ZNF613: variants seen among roughly 807,000 people sequenced by gnomAD.
ZNF613 encodes zinc finger protein 613.
In ZNF613, 8 loss-of-function variants were observed where a neutral mutation model predicts 14.3. The ratio of observed to expected loss-of-function variants is 0.56; its 90% CI spans 0.33 to 1.01. The LOEUF (loss-of-function observed/expected upper bound fraction) is 1.01. ZNF613 is among the 50% of genes least tolerant of loss of function. The pLI, the probability that ZNF613 is intolerant of heterozygous loss-of-function variation, is 0.03. For synonymous variants in ZNF613, 228 were observed against 254.5 expected (o/e 0.90, Z 0.99); for missense variants, 656 against 741.9 (o/e 0.88, Z 1.35).
intron 5 of ZNF613, among the ~76,000 whole-genome samples, chr19:51,943,353 C>A (rs1242367954): frequency 2.6e-5 from 4 of 152,192 alleles, no homozygotes; most frequent in Admixed American, 6.5e-5. Context: ...TTACATTGCT[C>A]ACCATTCCAA....
At chr19:51,938,532 T>A (rs2085321940) in intron 3 of ZNF613, among the ~76,000 whole-genome samples, 1 of 152,020 alleles carries the variant, frequency 6.6e-6, no homozygotes. Context: ...GACTTACTGT[T>A]TGAGACAGGA....
At chr19:51,939,629 CTATT>C (rs929797530) in intron 3 of ZNF613, among the ~76,000 whole-genome samples, 14 of 152,134 alleles carry the variant, frequency 9.2e-5, no homozygotes, top group Admixed American at 1.3e-4. Context: ...CATGCCTGGC[CTATT>C]TATTTATTTT....
chr19:51,939,434 T>C (rs148579302), intron 3 of ZNF613, among the ~76,000 whole-genome samples: 2,035 of 152,256 alleles, frequency 0.013, 44 homozygotes, highest in African/African-American at 0.046. Flanking sequence ...GTTCAAGTGA[T>C]TCTCCTGCCT....
rs753245354 is a variant in ZNF613, at chr19:51,940,655, G to A, written c.181G>A (p.Glu61Lys). 1.9e-6 allele frequency: 3 copies of A among 1,613,570 alleles called. No individual in the cohort carries two copies. The highest frequency in any genetic ancestry group is 2.5e-6 in the Non-Finnish European group (3 of 1,179,752). ...CAAACCAGATGCACTCTTCAAGTTG[G>A]AACAAGGAGAGCCATGGACAGTAGA... ...ASKPDALFKL[E>K]QGEPWTVENE... The change falls in exon 5 of 6, where the codon GAA (glutamate) becomes AAA (lysine). Residue 61 changes from glutamate (E) to lysine (K), a missense_variant. Coordinates refer to ENST00000293471, the MANE Select transcript of ZNF613 (RefSeq NM_001031721.4).
chr19:51,940,116 T>C (rs2085335280), intron 3 of ZNF613, 93 bp from the exon 4 acceptor site: 1 of 1,515,060 alleles, frequency 6.6e-7, no homozygotes, highest in Non-Finnish European at 9.1e-7. Flanking sequence ...AGATGCAGAC[T>C]ATTTGGTAAA....
chr19:51,940,712 G>C lies in ZNF613; in HGVS notation c.235+3G>C. 1.2e-6 allele frequency: 2 copies of C among 1,610,646 alleles called. No individual in the cohort carries two copies. The highest frequency in any genetic ancestry group is 1.7e-6 in the Non-Finnish European group (2 of 1,178,230). ...AATCCACAGCCAAATCTGTCCAGGT[G>C]AGTTCAGGGTGAGAGCCAGCAAGGA... is the stretch of plus-strand genomic sequence containing the variant. On this transcript the variant is annotated splice_donor_region_variant and intron_variant, in intron 5 of 5. Transcript: ENST00000293471.
At chr19:51,928,183 C>A (rs578003550) in intron 1 of ZNF613, among the ~76,000 whole-genome samples, 1 of 152,328 alleles carries the variant, frequency 6.6e-6, no homozygotes, top group African/African-American at 2.4e-5. Flanking sequence ...TCACCTTGGC[C>A]TCCCAAAGTG....
At position 51,945,858 on chromosome 19, in the gene ZNF613, A is replaced by G. The variant is rs182723277; in HGVS notation, c.*121A>G. On this transcript the variant is annotated 3_prime_UTR_variant, in exon 6 of 6. Transcript: ENST00000293471. Reference sequence around the variant, plus strand: ...GTGGAAAGCCCTTGAATAAAACCTTATGGCTAATAAGCATATACTCAGAGA... The same window carrying G: ...GTGGAAAGCCCTTGAATAAAACCTTGTGGCTAATAAGCATATACTCAGAGA... 1 of 1,081,810 alleles carries G rather than the reference A, an allele frequency of 9.2e-7. No individual in the cohort carries two copies. The highest frequency in any genetic ancestry group is 2.5e-5 in the East Asian group (1 of 40,090). 67.0% of individuals were successfully genotyped at this position (1,081,810 alleles called of 1,614,324 possible).
At position 51,945,625 on chromosome 19, in the gene ZNF613, C is replaced by T; in HGVS notation, c.1742C>T (p.Ala581Val). 6.2e-7 allele frequency: 1 copy of T among 1,614,128 alleles called. No homozygotes were observed. The highest frequency in any genetic ancestry group is 8.5e-7 in the Non-Finnish European group (1 of 1,180,016). Reference sequence around the variant, plus strand: ...ACTCTGCAGATGCCTTCTGTGGCAGCTCAGACCTCATTAACTAACAGTGCG... The same window carrying T: ...ACTCTGCAGATGCCTTCTGTGGCAGTTCAGACCTCATTAACTAACAGTGCG... ...MVTLQMPSVA[A>V]QTSLTNSAFQ... Residue 581 changes from alanine (A) to valine (V), a missense_variant, in exon 6 of 6, where the codon GCT becomes GTT. Physicochemically the swap from Ala to Val is moderately conservative, Grantham distance 64. Transcript: ENST00000293471.
intron 5 of ZNF613, 103 bp downstream of exon 5, chr19:51,940,812 G>C: frequency 2.6e-6 from 2 of 759,776 alleles, no homozygotes; most frequent in Non-Finnish European, 4.0e-6. Context: ...TGTGTGGACA[G>C]AGCCTCCATG....
intron 3 of ZNF613, 26 bp from the exon 4 acceptor site, chr19:51,940,183 T>A (rs1219913110): frequency 1.2e-6 from 2 of 1,611,268 alleles, no homozygotes; most frequent in South Asian, 2.2e-5. Context: ...AAATACTTCA[T>A]ATTAAGCAGG....
Position 51,945,726 on chromosome 19 carries a change from T to G in ZNF613, c.1843T>G (p.Cys615Gly). ...TTCAGTCTCAGCAGATAGTAGAATT[T>G]GCACAGAATAAAAACCATATGAATG... ...RSSVSADSRICTE is the reference protein window; with the variant it reads ...RSSVSADSRIGTE Residue 615 changes from cysteine to glycine, a missense_variant, in exon 6 of 6, where the codon TGC becomes GGC. Physicochemically the swap from Cys to Gly is radical, Grantham distance 159 (BLOSUM62 -3). Transcript: ENST00000293471. The G allele has an allele frequency of 6.2e-7, 1 of 1,614,078 alleles. No individual in the cohort carries two copies. The highest frequency in any genetic ancestry group is 8.5e-7 in the Non-Finnish European group (1 of 1,179,986).
At position 51,945,664 on chromosome 19, in the gene ZNF613, G is replaced by T; in HGVS notation, c.1781G>T (p.Ser594Ile). The part of the protein sequence containing the change: ...SLTNSAFQAE[S>I]KVAIVSQPVA... Reference sequence around the variant, plus strand: ...ACTAACAGTGCGTTCCAAGCAGAGAGCAAAGTAGCCATTGTGAGCCAGCCT... The same window carrying T: ...ACTAACAGTGCGTTCCAAGCAGAGATCAAAGTAGCCATTGTGAGCCAGCCT... Residue 594 changes from serine (S) to isoleucine (I), a missense_variant, in exon 6 of 6, where the codon AGC (serine) becomes ATC (isoleucine). By Grantham distance (142) the Ser-to-Ile change is moderately radical. Coordinates refer to ENST00000293471, the MANE Select transcript of ZNF613 (RefSeq NM_001031721.4). 6.2e-7 allele frequency: 1 copy of T among 1,614,162 alleles called. No individual in the cohort carries two copies. The highest frequency in any genetic ancestry group is 2.2e-5 in the East Asian group (1 of 44,882).
intron 2 of ZNF613, among the ~76,000 whole-genome samples, chr19:51,934,686 A>C (rs1008823938): frequency 6.6e-6 from 1 of 152,168 alleles, no homozygotes; most frequent in Admixed American, 6.5e-5. Context: ...GGACTTAGCC[A>C]CTGGAGCAAA....
chr19:51,945,382 A>G lies in ZNF613; in HGVS notation c.1499A>G (p.Asn500Ser), dbSNP rs764537934. ...GCTTTCAGAGATAAATCATGTCTCA[A>G]CAGACATCGGAGAACTCATACAGGG... ...GKAFRDKSCL[N>S]RHRRTHTGER... Residue 500 changes from asparagine to serine, a missense_variant, in exon 6 of 6, where the codon AAC (asparagine) becomes AGC (serine). By Grantham distance (46) the Asn-to-Ser change is conservative. Transcript: ENST00000293471. The G allele has an allele frequency of 6.2e-6, 10 of 1,613,672 alleles. No homozygotes were observed. In the South Asian group the frequency reaches 7.7e-5, roughly 12 times the overall value.
At position 51,945,490 on chromosome 19, in the gene ZNF613, C is replaced by G. The variant is rs762262189; in HGVS notation, c.1607C>G (p.Ala536Gly). The change falls in exon 6 of 6, where the codon GCA (alanine) becomes GGA (glycine). Residue 536 changes from alanine to glycine, a missense_variant. Physicochemically the swap from Ala to Gly is moderately conservative, Grantham distance 60 (BLOSUM62 0). Transcript: ENST00000293471. Reference sequence around the variant, plus strand: ...GTTTATCATAAGGGAATGCTGCATGCAAGAGAGAAATGTGTAGGTTCAGTC... The same window carrying G: ...GTTTATCATAAGGGAATGCTGCATGGAAGAGAGAAATGTGTAGGTTCAGTC... ...CLVYHKGMLH[A>G]REKCVGSVKL... 6.8e-6 allele frequency: 11 copies of G among 1,614,034 alleles called. No individual in the cohort carries two copies. Among genetic ancestry groups the G allele is most frequent in the Non-Finnish European group, 9.3e-6 (11 of 1,180,034 alleles).
intron 1 of ZNF613, chr19:51,928,016 A>G (rs1472370185): frequency 9.5e-6 from 1 of 105,182 alleles, no homozygotes; most frequent in Non-Finnish European, 2.1e-5. Flanking sequence ...CACGCTATCT[A>G]TCTATCTATC....
chr19:51,944,339 G>T lies in ZNF613; in HGVS notation c.456G>T (p.Lys152Asn). 1 of 1,593,550 alleles carries T rather than the reference G, an allele frequency of 6.3e-7. No individual in the cohort carries two copies. The highest frequency in any genetic ancestry group is 1.1e-5 in the South Asian group (1 of 89,232). Residue 152 changes from lysine to asparagine, a missense_variant, in exon 6 of 6, where the codon AAG becomes AAT. By Grantham distance (94) the Lys-to-Asn change is moderately conservative. Coordinates refer to ENST00000293471, the MANE Select transcript of ZNF613 (RefSeq NM_001031721.4). ...LVNQNKRYEI[K>N]NSVGVNGDGK... ...ACCAGAACAAAAGGTATGAAATCAA[G>T]AATTCTGTGGGGGTTAATGGAGATG...
At position 51,944,566 on chromosome 19, in the gene ZNF613, G is replaced by T; in HGVS notation, c.683G>T (p.Gly228Val). The T allele has an allele frequency of 6.2e-7, 1 of 1,614,144 alleles. No individual in the cohort carries two copies. The highest frequency in any genetic ancestry group is 1.1e-5 in the South Asian group (1 of 91,080). ...RLIYHQRVHT[G>V]EKPHGCSICG... ...ATCTATCATCAGAGAGTTCACACTG[G>T]GGAGAAACCTCATGGATGCAGTATA... is the stretch of plus-strand genomic sequence containing the variant. The change falls in exon 6 of 6, where the codon GGG becomes GTG. Residue 228 changes from glycine to valine, a missense_variant. Gly to Val is a moderately radical substitution (Grantham distance 109, BLOSUM62 -3). Transcript: ENST00000293471.
Sources: gnomAD v4.1 joint callset for allele counts (sites outside exome capture counted in the v4.1 genomes callset) on GRCh38, gnomAD v4.1.1 for gene constraint, MANE v1.5 for transcripts, NCBI Gene and HGNC (gene_info 2026-07-23, HGNC 2026-07-21) for gene names.